The following CACNG3 variants were observed in gnomAD, a reference collection of about 807,000 sequenced individuals.
CACNG3 encodes voltage-dependent calcium channel gamma-3 subunit.
A neutral mutation model predicts 28.5 loss-of-function variants in CACNG3; 3 were observed. That is an observed-to-expected ratio of 0.11 (90% CI 0.05 to 0.27). The LOEUF is 0.27. Ranked by LOEUF, CACNG3 falls within the 10% of genes least tolerant of loss-of-function variation. CACNG3 has a pLI of 1.00. For missense variants in CACNG3, 236 were observed against 414.4 expected, an observed-to-expected ratio of 0.57 and a Z score of 3.74; for synonymous variants, 174 against 162.2, an observed-to-expected ratio of 1.07 and a Z score of -0.55.
At chr16:24,327,671 G>C (rs1433785997) in intron 1 of CACNG3, among the ~76,000 whole-genome samples, 1 of 151,760 alleles carries the variant, frequency 6.6e-6, no homozygotes, top group East Asian at 1.9e-4. Flanking sequence ...GCCGGGTGCA[G>C]TGGCTCATGC....
chr16:24,321,497 G>A (rs750257512), intron 1 of CACNG3, among the ~76,000 whole-genome samples: 10 of 152,068 alleles, frequency 6.6e-5, no homozygotes, highest in Non-Finnish European at 7.3e-5. Flanking sequence ...GAGTTGTCTC[G>A]GTTATCAGAT....
At chr16:24,266,622 G>A (rs1447556477) in intron 1 of CACNG3, among the ~76,000 whole-genome samples, 1 of 152,218 alleles carries the variant, frequency 6.6e-6, no homozygotes, top group Non-Finnish European at 1.5e-5. Context: ...GGAAAGCAGA[G>A]ATAAAGGAGG....
At chr16:24,259,904 AG>A (rs1197566243) in intron 1 of CACNG3, among the ~76,000 whole-genome samples, 2 of 152,210 alleles carry the variant, frequency 1.3e-5, no homozygotes, top group Admixed American at 1.3e-4. Flanking sequence ...TTAGATTATC[AG>A]GGGCTCCACA....
At chr16:24,303,583 C>T (rs1206524362) in intron 1 of CACNG3, among the ~76,000 whole-genome samples, 2 of 151,914 alleles carry the variant, frequency 1.3e-5, no homozygotes, top group African/African-American at 2.4e-5. Flanking sequence ...GTTTTATTCC[C>T]TTCAGCATTC....
At chr16:24,339,513 G>A (rs1267733008) in intron 1 of CACNG3, among the ~76,000 whole-genome samples, 1 of 151,970 alleles carries the variant, frequency 6.6e-6, no homozygotes. Flanking sequence ...GGCACCCTGA[G>A]TATCTGGGAC....
At chr16:24,268,415 G>A (rs1898642750) in intron 1 of CACNG3, among the ~76,000 whole-genome samples, 2 of 152,150 alleles carry the variant, frequency 1.3e-5, no homozygotes, top group Admixed American at 1.3e-4. Flanking sequence ...GACCTGGGCT[G>A]GTGGGTTGGG....
In CACNG3 at chr16:24,293,813, C is replaced by T. The variant is rs546576045; in HGVS notation, c.211+36848C>T. ...CCCAGCATCAGTCAGCAGATGTTCTCGAAAGAGCCAAGGGACACCTAGCAA... is the reference window on the plus strand; with the variant it reads ...CCCAGCATCAGTCAGCAGATGTTCTTGAAAGAGCCAAGGGACACCTAGCAA... On this transcript the variant is annotated intron_variant, in intron 1 of 3. Coordinates refer to ENST00000005284, the MANE Select transcript of CACNG3 (RefSeq NM_006539.4). 5.3e-5 allele frequency among the ~76,000 whole-genome samples: 8 copies of T among 152,208 alleles called. No homozygotes were observed. The South Asian group carries it at 8.3e-4, about 16-fold the overall frequency.
At chr16:24,277,329 A>T (rs757355526) in intron 1 of CACNG3, among the ~76,000 whole-genome samples, 4 of 152,172 alleles carry the variant, frequency 2.6e-5, no homozygotes, top group Non-Finnish European at 5.9e-5. Context: ...TGTCTGAGAC[A>T]CTTTTGGTTG....
At chr16:24,257,395 GAGAGAGAGAGA>G (rs2141341788) in intron 1 of CACNG3, among the ~76,000 whole-genome samples, 1 of 143,088 alleles carries the variant, frequency 7.0e-6, no homozygotes, top group South Asian at 2.5e-4. Context: ...GAGAGAGAGA[GAGAGAGAGAGA>G]GAGAGAGAGA....
chr16:24,348,309 G>A (rs897866491), intron 2 of CACNG3, among the ~76,000 whole-genome samples: 7 of 152,020 alleles, frequency 4.6e-5, no homozygotes, highest in African/African-American at 1.7e-4. Flanking sequence ...AGGCTGAGGT[G>A]GGAGGATTGC....
rs773670781 is a variant in CACNG3 at position 24,361,897 on chromosome 16, A to T, written c.*34A>T. 6.4e-7 allele frequency: 1 copy of T among 1,566,768 alleles called. No individual in the cohort carries two copies. The highest frequency in any genetic ancestry group is 1.2e-5 in the South Asian group (1 of 84,600). On this transcript the variant is annotated 3_prime_UTR_variant, in exon 4 of 4. Transcript: ENST00000005284. This position sits in a 1 kb window ranked among gnomAD's most constrained non-coding sequence, Gnocchi z 6.8. ...CTGACCTCTGCCCCACGCCCAGCAC[A>T]GCCTTGGGGGAAGTGTACAGAGATG...
At chr16:24,297,934 G>A (rs1400077964) in intron 1 of CACNG3, among the ~76,000 whole-genome samples, 4 of 152,042 alleles carry the variant, frequency 2.6e-5, no homozygotes, top group Non-Finnish European at 5.9e-5. Flanking sequence ...GCCTAAATGA[G>A]GGTCCTCAGC....
chr16:24,322,301 G>T (rs990627377), intron 1 of CACNG3, among the ~76,000 whole-genome samples: 3 of 152,192 alleles, frequency 2.0e-5, no homozygotes, highest in Middle Eastern at 6.8e-3. Flanking sequence ...CGCCCAGCCA[G>T]TGCCTGTGAA....
rs374764925 is a variant in CACNG3, at chr16:24,269,708, T to C, written c.211+12743T>C. On this transcript the variant is annotated intron_variant, in intron 1 of 3. Transcript: ENST00000005284. ...GTTTCAGGGAGCTGAGATAGCACCA[T>C]TGCACTCCAGCCTGGGCAACAGAGA... is the stretch of plus-strand genomic sequence containing the variant. Among the ~76,000 whole-genome samples, 33 of 127,664 alleles carry C rather than the reference T, an allele frequency of 2.6e-4. No individual in the cohort carries two copies. The East Asian group carries it at 3.7e-3, about 14-fold the overall frequency. 83.8% of individuals were successfully genotyped at this position (127,664 alleles called of 152,430 possible).
chr16:24,293,133 T>A (rs761673674), intron 1 of CACNG3, among the ~76,000 whole-genome samples: 65 of 152,228 alleles, frequency 4.3e-4, no homozygotes, highest in Non-Finnish European at 8.4e-4. Context: ...GAAGTTATTG[T>A]CCCTTGAATT....
chr16:24,323,619 A>G (rs1899495921), intron 1 of CACNG3, among the ~76,000 whole-genome samples: 1 of 152,222 alleles, frequency 6.6e-6, no homozygotes, highest in Non-Finnish European at 1.5e-5. Context: ...CTGAGGTTGG[A>G]TCACAGCAAC....
At chr16:24,269,020 A>G (rs979705861) in intron 1 of CACNG3, among the ~76,000 whole-genome samples, 1 of 152,170 alleles carries the variant, frequency 6.6e-6, no homozygotes, top group Non-Finnish European at 1.5e-5. Flanking sequence ...CCAGACTTGG[A>G]ATAGACAAAT....
At position 24,261,335 on chromosome 16, in the gene CACNG3, G is replaced by A. The variant is rs144044723; in HGVS notation, c.211+4370G>A. Among the ~76,000 whole-genome samples, 1,006 of 152,270 alleles carry A rather than the reference G, an allele frequency of 6.6e-3. 9 individuals carry two copies. The highest frequency in any genetic ancestry group is 0.023 in the African/African-American group (938 of 41,546). ...GACTGTGGCAAACTGGAAAACACAAGCCTCATCTGAAGGATGACTACTACT... is the reference window on the plus strand; with the variant it reads ...GACTGTGGCAAACTGGAAAACACAAACCTCATCTGAAGGATGACTACTACT... On this transcript the variant is annotated intron_variant, in intron 1 of 3. Coordinates refer to ENST00000005284, the MANE Select transcript of CACNG3 (RefSeq NM_006539.4).
intron 3 of CACNG3, among the ~76,000 whole-genome samples, chr16:24,359,258 G>T (rs181472574): frequency 5.9e-4 from 90 of 152,164 alleles, no homozygotes; most frequent in African/African-American, 2.0e-3. Flanking sequence ...TTCATGTGAA[G>T]TCTGCCTTCT....
Sources: gnomAD v4.1 joint callset for allele counts (sites outside exome capture counted in the v4.1 genomes callset) on GRCh38, gnomAD v4.1.1 for gene constraint, Gnocchi (gnomAD v3.1) non-coding constraint, MANE v1.5 for transcripts, NCBI Gene and HGNC (gene_info 2026-07-23, HGNC 2026-07-21) for gene names.